IMMP2L: variants seen among roughly 807,000 people sequenced by gnomAD.
IMMP2L encodes inner mitochondrial membrane peptidase subunit 2.
In IMMP2L, 18 loss-of-function variants were observed where a neutral mutation model predicts 19.3. That is an observed-to-expected ratio of 0.93 (90% confidence interval 0.64 to 1.38). The LOEUF (loss-of-function observed/expected upper bound fraction) is 1.38. IMMP2L is among the 40% of genes most tolerant of loss of function. The pLI is 0.00. For missense variants in IMMP2L, 233 were observed against 218.2 expected, an observed-to-expected ratio of 1.07 and a Z score of -0.43; for synonymous variants, 76 against 73.0, an observed-to-expected ratio of 1.04 and a Z score of -0.21.
chr7:111,440,189 T>A (rs1450921997), intron 3 of IMMP2L, among the ~76,000 whole-genome samples: 1 of 151,906 alleles, frequency 6.6e-6, no homozygotes, highest in Non-Finnish European at 1.5e-5. Flanking sequence ...CTCCCATGAA[T>A]CATGAATCAC....
At chr7:111,283,091 T>C (rs1328428066) in intron 3 of IMMP2L, among the ~76,000 whole-genome samples, 1 of 152,056 alleles carries the variant, frequency 6.6e-6, no homozygotes, top group Admixed American at 6.6e-5. Context: ...AAAACCTCAA[T>C]GAATTAAAAG....
At chr7:111,008,520 C>T (rs1824551330) in intron 3 of IMMP2L, among the ~76,000 whole-genome samples, 1 of 151,914 alleles carries the variant, frequency 6.6e-6, no homozygotes, top group African/African-American at 2.4e-5. Flanking sequence ...TCCTAGCCAC[C>T]TCCTATCCCT....
At chr7:111,053,472 C>T (rs1793203599) in intron 3 of IMMP2L, among the ~76,000 whole-genome samples, 1 of 152,230 alleles carries the variant, frequency 6.6e-6, no homozygotes, top group Non-Finnish European at 1.5e-5. Context: ...CTCACTCACC[C>T]AGCTCCTGAG....
intron 5 of IMMP2L, among the ~76,000 whole-genome samples, chr7:110,754,989 C>T (rs1797955731): frequency 6.6e-6 from 1 of 151,790 alleles, no homozygotes; most frequent in Non-Finnish European, 1.5e-5. Flanking sequence ...ACACATACTC[C>T]AATTAGTACA....
At chr7:111,298,670 C>T (rs763493260) in intron 3 of IMMP2L, among the ~76,000 whole-genome samples, 6 of 151,244 alleles carry the variant, frequency 4.0e-5, no homozygotes, top group Admixed American at 1.3e-4. Flanking sequence ...ACAAGAGAAT[C>T]GCTTGAACCA....
chr7:110,963,899 G>C (rs1056824042), intron 3 of IMMP2L, among the ~76,000 whole-genome samples: 25 of 151,842 alleles, frequency 1.6e-4, no homozygotes, highest in Admixed American at 2.6e-4. Flanking sequence ...GTTTGGCTCT[G>C]TGTCCCCACC....
Position 110,683,632 on chromosome 7 carries a change from A to G in IMMP2L, c.409-19911T>C, listed in dbSNP as rs568129397. 2.6e-5 allele frequency among the ~76,000 whole-genome samples: 4 copies of G among 152,244 alleles called. No homozygotes were observed. The South Asian group carries it at 6.2e-4, about 24-fold the overall frequency. ...AAGACTCAATCTGTCCTCTTCAGAA[A>G]TCATCTTGTTAATAAAGCATAGTTT... is the stretch of plus-strand genomic sequence containing the variant. On this transcript the variant is annotated intron_variant, in intron 5 of 5. Transcript: ENST00000405709.
At chr7:111,434,493 G>C (rs1214679162) in intron 3 of IMMP2L, among the ~76,000 whole-genome samples, 4 of 151,138 alleles carry the variant, frequency 2.6e-5, no homozygotes, top group African/African-American at 9.7e-5. Context: ...GTGGGCAAAG[G>C]ACATGAACAG....
At chr7:111,286,009 G>T (rs1450969557) in intron 3 of IMMP2L, among the ~76,000 whole-genome samples, 1 of 152,148 alleles carries the variant, frequency 6.6e-6, no homozygotes, top group Non-Finnish European at 1.5e-5. Context: ...GCTTACACTT[G>T]TAGGTTGTTA....
chr7:110,902,717 G>T (rs1398494314), intron 4 of IMMP2L, among the ~76,000 whole-genome samples: 1 of 38,960 alleles, frequency 2.6e-5, no homozygotes, highest in Non-Finnish European at 4.3e-5. Flanking sequence ...GAGGTCAGGA[G>T]ATCGAGACCA....
At chr7:111,527,254 T>C (rs1406489358) in intron 1 of IMMP2L, among the ~76,000 whole-genome samples, 2 of 151,820 alleles carry the variant, frequency 1.3e-5, no homozygotes, top group Non-Finnish European at 2.9e-5. Context: ...CTTCCATCTC[T>C]AAAAATTTAA....
chr7:111,397,880 G>C (rs1833031573), intron 3 of IMMP2L, among the ~76,000 whole-genome samples: 1 of 151,898 alleles, frequency 6.6e-6, no homozygotes, highest in African/African-American at 2.4e-5. Flanking sequence ...AATCAAATTT[G>C]TTAAACTTTT....
chr7:111,221,616 A>C (rs1812528343), intron 3 of IMMP2L, among the ~76,000 whole-genome samples: 1 of 152,008 alleles, frequency 6.6e-6, no homozygotes, highest in African/African-American at 2.4e-5. Context: ...GAAAATTATA[A>C]AACCTTAGCT....
At chr7:110,969,704 A>G (rs1819938711) in intron 3 of IMMP2L, among the ~76,000 whole-genome samples, 1 of 152,088 alleles carries the variant, frequency 6.6e-6, no homozygotes, top group Admixed American at 6.6e-5. Flanking sequence ...AAGCAATGTG[A>G]CTTACACAGT....
intron 3 of IMMP2L, among the ~76,000 whole-genome samples, chr7:111,443,805 A>AT (rs940281118): frequency 3.3e-5 from 5 of 151,908 alleles, no homozygotes; most frequent in South Asian, 4.2e-4. Flanking sequence ...TGTATTTTCA[A>AT]TTTTTTTTCT....
chr7:111,222,869 T>C (rs1466746724), intron 3 of IMMP2L, among the ~76,000 whole-genome samples: 1 of 151,984 alleles, frequency 6.6e-6, no homozygotes, highest in African/African-American at 2.4e-5. Flanking sequence ...TAGGGAAGTA[T>C]ACATAACAAT....
chr7:111,319,183 A>G (rs1290039978), intron 3 of IMMP2L, among the ~76,000 whole-genome samples: 1 of 152,138 alleles, frequency 6.6e-6, no homozygotes, highest in African/African-American at 2.4e-5. Flanking sequence ...GTCACACTCA[A>G]AAAAAGTGCT....
chr7:111,093,256 C>T (rs1797053864), intron 3 of IMMP2L, among the ~76,000 whole-genome samples: 1 of 152,132 alleles, frequency 6.6e-6, no homozygotes. Flanking sequence ...GCTTTGCTCG[C>T]TCTGCCTCAA....
chr7:110,803,091 T>C lies in IMMP2L; in HGVS notation c.408+83502A>G, dbSNP rs1801372263. On this transcript the variant is annotated intron_variant, in intron 5 of 5. Transcript: ENST00000405709. This position sits in a 1 kb window ranked among gnomAD's most constrained non-coding sequence, Gnocchi z 4.2. ...GTTTTATGGAGAATGCCTATTGAAA[T>C]AGATGAGTTTGTGTCTTAGCCTTGA... is the stretch of plus-strand genomic sequence containing the variant. Among the ~76,000 whole-genome samples, 1 of 152,076 alleles carries C rather than the reference T, an allele frequency of 6.6e-6. No homozygotes were observed. Among genetic ancestry groups the C allele is most frequent in the South Asian group, 2.1e-4 (1 of 4,822 alleles).
Sources: gnomAD v4.1 joint callset for allele counts (sites outside exome capture counted in the v4.1 genomes callset) on GRCh38, gnomAD v4.1.1 for gene constraint, Gnocchi (gnomAD v3.1) non-coding constraint, MANE v1.5 for transcripts, NCBI Gene and HGNC (gene_info 2026-07-23, HGNC 2026-07-21) for gene names.